NLN: variants seen among roughly 807,000 people sequenced by gnomAD.
NLN encodes the protein neurolysin.
Under a neutral mutation model 79.9 loss-of-function variants are expected in NLN, and 64 were observed. The ratio of observed to expected loss-of-function variants is 0.80; its 90% CI spans 0.65 to 0.99. NLN has a LOEUF of 0.99. NLN is among the 50% of genes least tolerant of loss of function. The pLI, the probability that NLN is intolerant of heterozygous loss-of-function variation, is 0.00. For missense variants in NLN, 835 were observed against 858.7 expected, an observed-to-expected ratio of 0.97 and a Z score of 0.34; for synonymous variants, 267 against 296.6, an observed-to-expected ratio of 0.90 and a Z score of 1.02.
intron 1 of NLN, among the ~76,000 whole-genome samples, chr5:65,757,823 A>C (rs577252711): frequency 6.6e-6 from 1 of 152,266 alleles, no homozygotes; most frequent in African/African-American, 2.4e-5. Flanking sequence ...GGTTAAAAAA[A>C]ATTGGTGTTC....
chr5:65,761,685 T>G (rs1460964323), intron 2 of NLN, among the ~76,000 whole-genome samples: 1 of 152,260 alleles, frequency 6.6e-6, no homozygotes, highest in African/African-American at 2.4e-5. Context: ...TATTCCATTC[T>G]TTCCTTAACC....
chr5:65,749,696 C>T (rs182805841), intron 1 of NLN, among the ~76,000 whole-genome samples: 7 of 152,224 alleles, frequency 4.6e-5, no homozygotes, highest in African/African-American at 1.7e-4. Flanking sequence ...TTGAAGGTCT[C>T]GTACTAGAAA....
At chr5:65,800,811 C>T (rs1223033755) in intron 9 of NLN, among the ~76,000 whole-genome samples, 1 of 151,948 alleles carries the variant, frequency 6.6e-6, no homozygotes, top group African/African-American at 2.4e-5. Flanking sequence ...CCATCTCAGA[C>T]TCCTGAGTAG....
At chr5:65,786,678 G>T (rs569712148) in intron 7 of NLN, among the ~76,000 whole-genome samples, 4 of 152,238 alleles carry the variant, frequency 2.6e-5, no homozygotes, top group Non-Finnish European at 5.9e-5. Context: ...GAAACAAAGA[G>T]ACCCCAACCC....
At chr5:65,802,935 T>A (rs907988562) in intron 9 of NLN, among the ~76,000 whole-genome samples, 1 of 152,032 alleles carries the variant, frequency 6.6e-6, no homozygotes, top group Admixed American at 6.5e-5. Flanking sequence ...GAGGAGACCC[T>A]GGGATATGTA....
rs147719827 is a variant in NLN at position 65,794,717 on chromosome 5, C to T, written c.1527+2062C>T. Among the ~76,000 whole-genome samples, 1,069 of 152,242 alleles carry T rather than the reference C, an allele frequency of 7.0e-3. 45 individuals are homozygous for T. Among genetic ancestry groups the T allele is most frequent in the Admixed American group, 0.067 (1,018 of 15,290 alleles). On this transcript the variant is annotated intron_variant, in intron 9 of 12. Coordinates refer to ENST00000380985, the MANE Select transcript of NLN (RefSeq NM_020726.5). Reference sequence around the variant, plus strand: ...ATAGTCCAGCAGGGGGTATGAATGACGAGCAGGATATGGAACAGTCTTTTT... The same window carrying T: ...ATAGTCCAGCAGGGGGTATGAATGATGAGCAGGATATGGAACAGTCTTTTT...
intron 9 of NLN, among the ~76,000 whole-genome samples, chr5:65,803,026 G>A (rs1340224340): frequency 6.6e-6 from 1 of 152,208 alleles, no homozygotes; most frequent in Non-Finnish European, 1.5e-5. Flanking sequence ...GCTCCTCTCT[G>A]CAGCTGGTTG....
intron 7 of NLN, among the ~76,000 whole-genome samples, chr5:65,786,743 T>C (rs1212798953): frequency 1.3e-5 from 2 of 152,206 alleles, no homozygotes; most frequent in African/African-American, 4.8e-5. Context: ...ATGCCTGTAA[T>C]TCTAGCTACT....
chr5:65,804,751 G>C (rs1760370822), intron 9 of NLN, among the ~76,000 whole-genome samples: 1 of 152,066 alleles, frequency 6.6e-6, no homozygotes, highest in African/African-American at 2.4e-5. Context: ...AGCTGATCTT[G>C]ATCTCCTGGC....
intron 12 of NLN, among the ~76,000 whole-genome samples, chr5:65,819,736 C>T (rs1251952074): frequency 2.6e-5 from 4 of 152,118 alleles, no homozygotes; most frequent in Non-Finnish European, 4.4e-5. Flanking sequence ...ATTAATAGAA[C>T]AACTTAGGGC....
At chr5:65,813,856 A>T (rs901237898) in intron 12 of NLN, among the ~76,000 whole-genome samples, 10 of 152,002 alleles carry the variant, frequency 6.6e-5, no homozygotes, top group Non-Finnish European at 1.3e-4. Flanking sequence ...TGAGCCTAGG[A>T]GAGGTGGAAG....
rs761278058 is a variant in NLN, at chr5:65,810,099, T to A, written c.1777T>A (p.Ser593Thr). Reference sequence around the variant, plus strand: ...TGATCAGTCTCTTCATACCAACACATCGCTGGATGCTGCAAGTGAATATGC... The same window carrying A: ...TGATCAGTCTCTTCATACCAACACAACGCTGGATGCTGCAAGTGAATATGC... ...KVDQSLHTNT[S>T]LDAASEYAKY... Residue 593 changes from serine (S) to threonine (T), a missense_variant, in exon 11 of 13, where the codon TCG (serine) becomes ACG (threonine). By Grantham distance (58) the Ser-to-Thr change is moderately conservative. Coordinates refer to ENST00000380985, the MANE Select transcript of NLN (RefSeq NM_020726.5). 1 of 1,613,996 alleles carries A rather than the reference T, an allele frequency of 6.2e-7. No individual in the cohort carries two copies. Among genetic ancestry groups the A allele is most frequent in the Admixed American group, 1.7e-5 (1 of 60,026 alleles).
At chr5:65,736,487 A>C (rs1196929360) in intron 1 of NLN, among the ~76,000 whole-genome samples, 1 of 152,190 alleles carries the variant, frequency 6.6e-6, no homozygotes, top group Admixed American at 6.5e-5. Flanking sequence ...ATAATGCCCA[A>C]TTCTTTTTCC....
chr5:65,724,804 C>CTTTTTTTTTTT (rs558656791), intron 1 of NLN, among the ~76,000 whole-genome samples: 1 of 126,380 alleles, frequency 7.9e-6, no homozygotes, highest in Non-Finnish European at 1.7e-5. Context: ...TTTTTTTTTT[C>CTTTTTTTTTTT]TTTTTTTTTT....
intron 2 of NLN, among the ~76,000 whole-genome samples, chr5:65,762,502 T>G (rs926270723): frequency 2.6e-5 from 4 of 152,042 alleles, no homozygotes; most frequent in African/African-American, 9.7e-5. Context: ...CTGGGAAATA[T>G]GGCAAAACTG....
chr5:65,761,186 A>G (rs182162123), intron 2 of NLN, among the ~76,000 whole-genome samples: 49 of 152,280 alleles, frequency 3.2e-4, no homozygotes, highest in African/African-American at 1.1e-3. Flanking sequence ...TTGTTTAAGA[A>G]TGTTTCTAAT....
intron 3 of NLN, among the ~76,000 whole-genome samples, chr5:65,763,697 CT>C (rs199850136): frequency 6.7e-5 from 10 of 150,222 alleles, no homozygotes; most frequent in Non-Finnish European, 1.0e-4. Context: ...AAATTCCAGG[CT>C]TTTTTTTTGT....
In NLN at chr5:65,788,229, A is replaced by G. The variant is rs780581908; in HGVS notation, c.1070A>G (p.Asn357Ser). ...DRGFEYDGKI[N>S]AWDLYYYMTQ... ...GGTTTTGAATATGATGGGAAAATCA[A>G]TGCCTGGGATCTATATTACTACATG... Residue 357 changes from asparagine to serine, a missense_variant, in exon 8 of 13, where the codon AAT becomes AGT. Transcript: ENST00000380985. 1.4e-5 allele frequency: 22 copies of G among 1,614,220 alleles called. No homozygotes were observed. In the East Asian group the frequency reaches 1.6e-4, roughly 11 times the overall value.
chr5:65,750,754 A>AC (rs1452927103), intron 1 of NLN, among the ~76,000 whole-genome samples: 5 of 152,298 alleles, frequency 3.3e-5, no homozygotes, highest in African/African-American at 1.2e-4. Flanking sequence ...AGAAAAATAA[A>AC]GAAAAAAAGA....
Sources: gnomAD v4.1 joint callset for allele counts (sites outside exome capture counted in the v4.1 genomes callset) on GRCh38, gnomAD v4.1.1 for gene constraint, MANE v1.5 for transcripts, NCBI Gene and HGNC (gene_info 2026-07-23, HGNC 2026-07-21) for gene names.